Variants in ARHGEF4 observed in about 807,000 individuals in gnomAD.
ARHGEF4 encodes the protein APC-stimulated guanine nucleotide exchange factor 1.
A neutral mutation model predicts 162.0 loss-of-function variants in ARHGEF4; 119 were observed. That is an observed-to-expected ratio of 0.73 (90% CI 0.63 to 0.86). The LOEUF (loss-of-function observed/expected upper bound fraction) is 0.86. ARHGEF4 is among the 40% of genes least tolerant of loss of function. The pLI is 0.00. For missense variants in ARHGEF4, 2,488 were observed against 2,456.0 expected (o/e 1.01, Z -0.28); for synonymous variants, 1,014 against 979.9 (o/e 1.03, Z -0.65).
intron 4 of ARHGEF4, among the ~76,000 whole-genome samples, chr2:130,960,956 C>T (rs1016761182): frequency 6.6e-6 from 1 of 152,200 alleles, no homozygotes; most frequent in African/African-American, 2.4e-5. Context: ...GAAATGGACT[C>T]AGTAAAAGCA....
In ARHGEF4 at chr2:130,920,087, G is replaced by T. The variant is rs1029908735; in HGVS notation, c.3552+2589G>T. On this transcript the variant is annotated intron_variant, in intron 2 of 13. Coordinates refer to ENST00000409359, the MANE Select transcript of ARHGEF4 (RefSeq NM_001367493.1). ...GCTTGGTTTGTTGGGGTTTTTTTTTGTGTGTGTGTCTTTCTGTTTGTTTTT... is the reference window on the plus strand; with the variant it reads ...GCTTGGTTTGTTGGGGTTTTTTTTTTTGTGTGTGTCTTTCTGTTTGTTTTT... Among the ~76,000 whole-genome samples, 27 of 151,910 alleles carry T rather than the reference G, an allele frequency of 1.8e-4. No homozygotes were observed. The East Asian group carries it at 3.7e-3, about 21-fold the overall frequency.
chr2:130,849,118 G>C (rs1403200636), intron 1 of ARHGEF4, among the ~76,000 whole-genome samples: 2 of 152,188 alleles, frequency 1.3e-5, no homozygotes, highest in Non-Finnish European at 2.9e-5. Context: ...CCTCCCTTGG[G>C]ATCTGGGGCC....
At chr2:130,963,238 T>A (rs1333182767) in intron 4 of ARHGEF4, among the ~76,000 whole-genome samples, 1 of 152,154 alleles carries the variant, frequency 6.6e-6, no homozygotes, top group Non-Finnish European at 1.5e-5. Flanking sequence ...CCACAGGGTG[T>A]GTCCTGCCCG....
rs531238676 is a variant in ARHGEF4, at chr2:130,843,743, C to G, written c.39+6751C>G. ...AATTGGCATCTCCAAAGGTTGTTCT[C>G]TCCCTCTGGGCTGTCGGCTCTGAGG... On this transcript the variant is annotated intron_variant, in intron 1 of 13. Coordinates refer to ENST00000409359, the MANE Select transcript of ARHGEF4 (RefSeq NM_001367493.1). Among the ~76,000 whole-genome samples, 3 of 152,366 alleles carry G rather than the reference C, an allele frequency of 2.0e-5. No individual in the cohort carries two copies. The South Asian group carries it at 6.2e-4, about 32-fold the overall frequency.
At chr2:130,963,511 G>C (rs1426950124) in intron 4 of ARHGEF4, 2 of 152,028 alleles carry the variant, frequency 1.3e-5, no homozygotes, top group Non-Finnish European at 2.9e-5. Flanking sequence ...CCGCGGCTGC[G>C]ACGAGCCTGG....
intron 4 of ARHGEF4, among the ~76,000 whole-genome samples, chr2:131,010,224 A>C (rs1688357843): frequency 6.6e-6 from 1 of 152,124 alleles, no homozygotes; most frequent in South Asian, 2.1e-4. Flanking sequence ...CTAACTGTTC[A>C]ATCAGTGACA....
intron 4 of ARHGEF4, among the ~76,000 whole-genome samples, chr2:130,948,754 A>G (rs1330828351): frequency 1.3e-5 from 2 of 152,192 alleles, no homozygotes; most frequent in Admixed American, 6.5e-5. Context: ...ATTTCCCTAT[A>G]TGTCAGGTTC....
At chr2:130,952,773 A>G (rs1413177822) in intron 4 of ARHGEF4, among the ~76,000 whole-genome samples, 1 of 152,220 alleles carries the variant, frequency 6.6e-6, no homozygotes, top group Non-Finnish European at 1.5e-5. Context: ...CTAATAACAG[A>G]CAGCCAAATC....
rs984892457 is a variant in ARHGEF4 at position 130,915,708 on chromosome 2, G to C, written c.1762G>C (p.Glu588Gln). 6.5e-6 allele frequency: 10 copies of C among 1,550,112 alleles called. No homozygotes were observed. The African/African-American group carries it at 1.2e-4, about 19-fold the overall frequency. The change falls in exon 2 of 14, where the codon GAA (glutamate) becomes CAA (glutamine). Residue 588 changes from glutamate to glutamine, a missense_variant. Glu to Gln is a conservative substitution (Grantham distance 29). Transcript: ENST00000409359. ...YREQALQGLS[E>Q]FKAATVSHCG... ...GGAACAGGCTTTGCAAGGTCTTTCA[G>C]AATTCAAGGCAGCCACGGTGTCTCA...
chr2:130,889,930 G>A (rs1186117494), intron 1 of ARHGEF4, among the ~76,000 whole-genome samples: 4 of 151,232 alleles, frequency 2.6e-5, no homozygotes, highest in African/African-American at 4.9e-5. Flanking sequence ...ACTGTTTTCT[G>A]GCTCCTATTG....
intron 1 of ARHGEF4, among the ~76,000 whole-genome samples, chr2:130,853,045 G>A (rs757049720): frequency 9.2e-5 from 14 of 152,206 alleles, no homozygotes; most frequent in Non-Finnish European, 1.5e-5. Context: ...AGCAGGGCAT[G>A]TCCAGCACCA....
intron 4 of ARHGEF4, chr2:130,963,981 C>A: frequency 5.5e-6 from 1 of 182,314 alleles, no homozygotes; most frequent in Non-Finnish European, 1.0e-5. Context: ...GCCCCGCGGC[C>A]GCCGCACCGC....
rs1413099759 is a variant in ARHGEF4 at position 130,916,101 on chromosome 2, C to T, written c.2155C>T (p.Pro719Ser). 19 of 1,550,034 alleles carry T rather than the reference C, an allele frequency of 1.2e-5. No individual in the cohort carries two copies. Among genetic ancestry groups the T allele is most frequent in the Non-Finnish European group, 1.7e-5 (19 of 1,146,894 alleles). Reference sequence around the variant, plus strand: ...CGCAGAGCTTGGGAGAGTGCTGGTCCCCCAAGCTGCTTCGGAAGAGACGCC... The same window carrying T: ...CGCAGAGCTTGGGAGAGTGCTGGTCTCCCAAGCTGCTTCGGAAGAGACGCC... The part of the protein sequence containing the change: ...QAAELGRVLV[P>S]QAASEETPST... The change falls in exon 2 of 14, where the codon CCC (proline) becomes TCC (serine). Residue 719 changes from proline (P) to serine (S), a missense_variant. Pro to Ser is a moderately conservative substitution (Grantham distance 74, BLOSUM62 -1). This residue lies in a region of ARHGEF4 where 1,642 missense variants were observed against 1,481.5 expected (regional missense o/e 1.11). Coordinates refer to ENST00000409359, the MANE Select transcript of ARHGEF4 (RefSeq NM_001367493.1).
intron 1 of ARHGEF4, among the ~76,000 whole-genome samples, chr2:130,846,729 G>A (rs1312108926): frequency 2.0e-5 from 3 of 152,190 alleles, no homozygotes; most frequent in East Asian, 3.9e-4. Context: ...GAGCTGGACA[G>A]CCAGGCAGCT....
At chr2:130,987,649 A>G (rs1401225858) in intron 4 of ARHGEF4, among the ~76,000 whole-genome samples, 1 of 152,176 alleles carries the variant, frequency 6.6e-6, no homozygotes, top group Non-Finnish European at 1.5e-5. Context: ...ATCCTCTTGT[A>G]AGACAGGAAA....
chr2:130,915,797 G>A lies in ARHGEF4; in HGVS notation c.1851G>A (p.Glu617=), dbSNP rs1374310643. 1 of 1,525,674 alleles carries A rather than the reference G, an allele frequency of 6.6e-7. No individual in the cohort carries two copies. Among genetic ancestry groups the A allele is most frequent in the South Asian group, 1.3e-5 (1 of 79,764 alleles). The allele number at this position is 1,525,674 out of a possible 1,614,324, so 94.5% of individuals were successfully genotyped here. Residue 617 remains glutamate, a synonymous_variant, in exon 2 of 14, where the codon GAG becomes GAA. Coordinates refer to ENST00000409359, the MANE Select transcript of ARHGEF4 (RefSeq NM_001367493.1). The stretch of plus-strand genomic sequence containing the variant: ...GGGGTGCCGGGGGCCGGCAGCTGGA[G>A]CCCAAAGCAGGCGGCGAGGCCTCGA... ...GPGGAGGRQL[E]PKAGGEASRG... is the part of the protein sequence containing the mutation.
At chr2:130,937,690 C>T (rs1299217640) in intron 3 of ARHGEF4, among the ~76,000 whole-genome samples, 3 of 138,412 alleles carry the variant, frequency 2.2e-5, no homozygotes, top group Non-Finnish European at 4.6e-5. Flanking sequence ...TTTTTTGAGA[C>T]AGAATGTCGC....
chr2:131,043,749 G>A (rs1018274151), intron 11 of ARHGEF4, 166 bp downstream of exon 11: 35 of 879,918 alleles, frequency 4.0e-5, no homozygotes, highest in Non-Finnish European at 8.5e-6. Context: ...GGTGAGCCTG[G>A]TGGCCCAGGA....
At chr2:130,891,268 G>A (rs1679849874) in intron 1 of ARHGEF4, among the ~76,000 whole-genome samples, 2 of 152,088 alleles carry the variant, frequency 1.3e-5, no homozygotes, top group Non-Finnish European at 2.9e-5. Context: ...TATACAGCTG[G>A]GGTGCAAATA....
Sources: allele counts gnomAD v4.1 joint callset (sites outside exome capture counted in the v4.1 genomes callset), GRCh38; gene constraint gnomAD v4.1.1; regional missense constraint gnomAD v4.1.1; transcripts MANE v1.5; gene names NCBI Gene and HGNC (gene_info 2026-07-23, HGNC 2026-07-21).